The following TRRAP variants were observed in gnomAD, a reference collection of about 807,000 sequenced individuals.
TRRAP encodes the protein transformation/transcription domain associated protein, also known as transformation/transcription domain-associated protein.
Under a neutral mutation model 438.8 loss-of-function variants are expected in TRRAP, and 41 were observed. The ratio of observed to expected loss-of-function variants is 0.09; its 90% CI spans 0.07 to 0.12. TRRAP has a LOEUF of 0.12. Among genes scored for constraint, TRRAP ranks in the 10% least tolerant of loss-of-function variants. The pLI is 1.00. For missense variants in TRRAP, 3,122 were observed against 5,055.1 expected (o/e 0.62, Z 11.60); for synonymous variants, 1,994 against 1,962.9 (o/e 1.02, Z -0.42).
rs1792125282 is a variant in TRRAP, at chr7:98,965,777, TCATC to T, written c.7061_7064del (p.Ile2354ArgfsTer4). On this transcript the variant is annotated frameshift_variant, in exon 49 of 73. Coordinates refer to ENST00000456197, the MANE Select transcript of TRRAP (RefSeq NM_001375524.1). LOFTEE classifies it high-confidence loss of function. ...ATGAGCATGGAGATGCGGAAGAACT[TCATC>T]CAGGCCATCCTGACATCCCTCATCG... 6.2e-7 allele frequency: 1 copy of T among 1,613,966 alleles called. No individual in the cohort carries two copies.
At chr7:98,889,068 A>G (rs1174076512) in intron 3 of TRRAP, among the ~76,000 whole-genome samples, 1 of 63,862 alleles carries the variant, frequency 1.6e-5, no homozygotes, top group Non-Finnish European at 3.1e-5. Context: ...TTTTTTTTTG[A>G]TATGAGGTCT....
At chr7:99,006,183 A>G (rs1169165041) in intron 69 of TRRAP, among the ~76,000 whole-genome samples, 1 of 152,164 alleles carries the variant, frequency 6.6e-6, no homozygotes, top group Non-Finnish European at 1.5e-5. Flanking sequence ...GATGCTTATA[A>G]TGTTATCCAG....
chr7:98,999,305 C>G (rs920059864), intron 67 of TRRAP: 5 of 1,307,794 alleles, frequency 3.8e-6, no homozygotes, highest in Non-Finnish European at 5.5e-6. Context: ...AGCATTTTAT[C>G]TGCTAAGCTT....
intron 2 of TRRAP, 34 bp downstream of exon 2, chr7:98,881,284 T>C (rs1554403018): frequency 6.4e-7 from 1 of 1,562,986 alleles, no homozygotes; most frequent in Admixed American, 1.8e-5. Flanking sequence ...AAGAAATGCA[T>C]AAATAAGGCC....
chr7:98,883,912 C>G (rs868991401), intron 3 of TRRAP, among the ~76,000 whole-genome samples: 1 of 152,192 alleles, frequency 6.6e-6, no homozygotes, highest in Non-Finnish European at 1.5e-5. Context: ...GACGTTTTGT[C>G]GTAGTAGGCA....
chr7:98,958,711 G>A (rs3779187), intron 44 of TRRAP, among the ~76,000 whole-genome samples: 106,331 of 152,048 alleles, frequency 0.7, 41,663 homozygotes, highest in South Asian at 0.87. Flanking sequence ...ACATGATCTC[G>A]GCTGATCATT....
chr7:98,917,099 A>G (rs1437227729), intron 19 of TRRAP, among the ~76,000 whole-genome samples: 2 of 152,212 alleles, frequency 1.3e-5, no homozygotes, highest in African/African-American at 4.8e-5. Flanking sequence ...CTGTTTAGAG[A>G]ATAGACCTCA....
intron 30 of TRRAP, among the ~76,000 whole-genome samples, chr7:98,941,198 C>T (rs182769959): frequency 6.6e-6 from 1 of 152,284 alleles, no homozygotes; most frequent in East Asian, 1.9e-4. Flanking sequence ...TTGTTTGAGA[C>T]AGGGCCTTGC....
intron 5 of TRRAP, 119 bp from the exon 6 acceptor site, chr7:98,893,679 G>C: frequency 1.1e-6 from 1 of 900,246 alleles, no homozygotes; most frequent in South Asian, 1.5e-5. Flanking sequence ...GTGAGCTGAT[G>C]AATTTTCAGC....
At chr7:98,889,474 C>A (rs1795864962) in intron 3 of TRRAP, among the ~76,000 whole-genome samples, 1 of 151,772 alleles carries the variant, frequency 6.6e-6, no homozygotes, top group Non-Finnish European at 1.5e-5. Context: ...AAAGTTTCTA[C>A]TTCCTAAGTG....
intron 12 of TRRAP, 150 bp downstream of exon 12, chr7:98,903,667 C>G: frequency 8.9e-7 from 1 of 1,127,692 alleles, no homozygotes; most frequent in Non-Finnish European, 1.2e-6. Context: ...CCCCTCTTTT[C>G]TCTCCCTCTC....
At chr7:98,899,305 G>A in intron 8 of TRRAP, 117 bp from the exon 9 acceptor site, 1 of 783,534 alleles carries the variant, frequency 1.3e-6, no homozygotes, top group Non-Finnish European at 2.2e-6. Context: ...TATTTACAAA[G>A]AGGTGTCACT....
chr7:98,951,681 T>C (rs1228426007), intron 39 of TRRAP, among the ~76,000 whole-genome samples: 3 of 152,208 alleles, frequency 2.0e-5, no homozygotes, highest in African/African-American at 4.8e-5. Context: ...CTGGTTTTCT[T>C]ATCCATTTTG....
chr7:98,900,786 G>T, intron 11 of TRRAP, 66 bp downstream of exon 11: 2 of 1,374,876 alleles, frequency 1.5e-6, no homozygotes, highest in Non-Finnish European at 1.0e-6. Flanking sequence ...TTCACCTTTT[G>T]TGGGTGTACA....
At position 98,959,485 on chromosome 7, in the gene TRRAP, A is replaced by C; in HGVS notation, c.6484A>C (p.Thr2162Pro). The change falls in exon 45 of 73, where the codon ACT becomes CCT. Residue 2162 changes from threonine to proline, a missense_variant. Thr to Pro is a conservative substitution (Grantham distance 38, BLOSUM62 -1). Coordinates refer to ENST00000456197, the MANE Select transcript of TRRAP (RefSeq NM_001375524.1). ...KLQWFDKLLM[T>P]VEQPNQVNYG... ...GCAGTGGTTCGACAAGCTGCTGATGACTGTGGTGAGTGCGAGTGTCTGAAG... is the reference window on the plus strand; with the variant it reads ...GCAGTGGTTCGACAAGCTGCTGATGCCTGTGGTGAGTGCGAGTGTCTGAAG... The C allele has an allele frequency of 6.2e-7, 1 of 1,613,552 alleles. No homozygotes were observed. Among genetic ancestry groups the C allele is most frequent in the South Asian group, 1.1e-5 (1 of 91,014 alleles).
intron 17 of TRRAP, 95 bp downstream of exon 17, chr7:98,911,366 T>G: frequency 7.8e-7 from 1 of 1,276,058 alleles, no homozygotes. Context: ...TTAAAAATAA[T>G]GTAGCCAAGG....
chr7:98,984,736 A>C (rs573781530), intron 61 of TRRAP, among the ~76,000 whole-genome samples: 1 of 152,366 alleles, frequency 6.6e-6, no homozygotes, highest in Admixed American at 6.5e-5. Context: ...CTAAGTATTT[A>C]GGATTAAATA....
chr7:99,005,247 C>T lies in TRRAP; in HGVS notation c.10652C>T (p.Thr3551Ile). Reference protein sequence around the residue: ...PYLVMNDACLTESRREERVLQ... With the variant: ...PYLVMNDACLIESRREERVLQ... ...CTCGTCATGAACGACGCCTGCCTCA[C>T]AGAGTCACGGCGAGAGGAGCGTGTG... Residue 3551 changes from threonine to isoleucine, a missense_variant, in exon 69 of 73, where the codon ACA (threonine) becomes ATA (isoleucine). Thr to Ile is a moderately conservative substitution (Grantham distance 89). This residue lies in a region of TRRAP where 95 missense variants were observed against 144.1 expected (regional missense o/e 0.66). Transcript: ENST00000456197. This position sits in a 1 kb window ranked among gnomAD's most constrained non-coding sequence, Gnocchi z 5.1. 6.2e-7 allele frequency: 1 copy of T among 1,614,226 alleles called. No homozygotes were observed. Among genetic ancestry groups the T allele is most frequent in the South Asian group, 1.1e-5 (1 of 91,088 alleles).
At chr7:98,893,230 G>A (rs1215270833) in intron 5 of TRRAP, among the ~76,000 whole-genome samples, 1 of 152,186 alleles carries the variant, frequency 6.6e-6, no homozygotes, top group African/African-American at 2.4e-5. Context: ...GATTACAGGC[G>A]TGAGCCACCT....
Sources: allele counts gnomAD v4.1 joint callset (sites outside exome capture counted in the v4.1 genomes callset), GRCh38; gene constraint gnomAD v4.1.1; regional missense constraint gnomAD v4.1.1; non-coding constraint Gnocchi (gnomAD v3.1); transcripts MANE v1.5; gene names NCBI Gene and HGNC (gene_info 2026-07-23, HGNC 2026-07-21).